The following EFEMP2 variants were observed in gnomAD, a reference collection of about 807,000 sequenced individuals.
The protein encoded by EFEMP2 is EGF-like fibulin extracellular matrix protein 2, also known as EGF-containing fibulin-like extracellular matrix protein 2.
A neutral mutation model predicts 55.3 loss-of-function variants in EFEMP2; 21 were observed. The ratio of observed to expected loss-of-function variants is 0.38; its 90% confidence interval spans 0.27 to 0.55. The LOEUF is 0.55. Ranked by LOEUF, EFEMP2 falls within the 20% of genes least tolerant of loss-of-function variation. The pLI is 0.77. For missense variants in EFEMP2, 513 were observed against 615.1 expected (o/e 0.83, Z 1.76); for synonymous variants, 275 against 242.3 (o/e 1.14, Z -1.25).
At chr11:65,869,574 C>T (rs922461737) in intron 7 of EFEMP2, 6 of 475,182 alleles carry the variant, frequency 1.3e-5, no homozygotes, top group African/African-American at 3.9e-5. Context: ...GTGCAAAATT[C>T]AAATGCAGGT....
intron 2 of EFEMP2, 39 bp from the exon 3 acceptor site, chr11:65,872,057 A>T (rs1317048726): frequency 6.4e-7 from 1 of 1,551,012 alleles, no homozygotes. Context: ...TCACCCTAAG[A>T]TCTCCTCCAA....
In EFEMP2 at chr11:65,866,974, A is replaced by G. The variant is rs193238913; in HGVS notation, c.1276T>C (p.Tyr426His). The G allele has an allele frequency of 3.1e-6, 5 of 1,614,120 alleles. No homozygotes were observed. The Admixed American group carries it at 8.3e-5, about 27-fold the overall frequency. The change falls in exon 11 of 11, where the codon TAC (tyrosine) becomes CAC (histidine). Residue 426 changes from tyrosine to histidine, a missense_variant. By Grantham distance (83) the Tyr-to-His change is moderately conservative (BLOSUM62 2). Transcript: ENST00000307998. ...EMVTMNSLMS[Y>H]RASSVLRLTV... ...AGCCTCAGTACAGAGCTGGCCCGGT[A>G]GCTCATGAGGGAATTCATGGTGACC...
intron 4 of EFEMP2, 196 bp from the exon 5 acceptor site, chr11:65,870,854 T>C: frequency 2.5e-6 from 2 of 785,716 alleles, no homozygotes; most frequent in East Asian, 2.7e-5. Flanking sequence ...TGTCCAAACA[T>C]CCCCAGCAAC....
At chr11:65,868,091 C>A (rs1859893005) in intron 9 of EFEMP2, 35 bp from the exon 10 acceptor site, 1 of 1,605,302 alleles carries the variant, frequency 6.2e-7, no homozygotes, top group South Asian at 1.1e-5. Context: ...CAAATGAGCT[C>A]CTTGCCCGTC....
At position 65,870,610 on chromosome 11, in the gene EFEMP2, T is replaced by C. The variant is rs775820586; in HGVS notation, c.416A>G (p.Asp139Gly). 6.2e-7 allele frequency: 1 copy of C among 1,614,088 alleles called. No homozygotes were observed. The highest frequency in any genetic ancestry group is 2.2e-5 in the East Asian group (1 of 44,876). The change falls in exon 5 of 11, where the codon GAC becomes GGC. Residue 139 changes from aspartate (D) to glycine (G), a missense_variant. By Grantham distance (94) the Asp-to-Gly change is moderately conservative. Coordinates refer to ENST00000307998, the MANE Select transcript of EFEMP2 (RefSeq NM_016938.5). Reference sequence around the variant, plus strand: ...ATAGGAGCCAGGCAAGTTATGGCAGTCCTGGCTGGGGCGACAGTCGTGCAG... The same window carrying C: ...ATAGGAGCCAGGCAAGTTATGGCAGCCCTGGCTGGGGCGACAGTCGTGCAG... Reference protein sequence around the residue: ...QALHDCRPSQDCHNLPGSYQC... With the variant: ...QALHDCRPSQGCHNLPGSYQC...
intron 4 of EFEMP2, 125 bp from the exon 5 acceptor site, chr11:65,870,783 C>G (rs1859952335): frequency 1.4e-6 from 2 of 1,433,216 alleles, no homozygotes; most frequent in Non-Finnish European, 1.9e-6. Flanking sequence ...CTGGAGCCAT[C>G]AGGAAAGGCA....
rs952321232 is a variant in EFEMP2, at chr11:65,868,011, A to G, written c.1020T>C (p.Pro340=). The change falls in exon 10 of 11, where the codon CCT becomes CCC. Residue 340 remains proline (P), a synonymous_variant. Coordinates refer to ENST00000307998, the MANE Select transcript of EFEMP2 (RefSeq NM_016938.5). ...PASNPLCREQ[P]SSIVHRYMTI... Reference sequence around the variant, plus strand: ...TCATGTAGCGGTGCACAATGGATGAAGGCTGCTCTCGACATAGAGGGTTGG... The same window carrying G: ...TCATGTAGCGGTGCACAATGGATGAGGGCTGCTCTCGACATAGAGGGTTGG... The G allele has an allele frequency of 6.2e-7, 1 of 1,614,020 alleles. No individual in the cohort carries two copies. The highest frequency in any genetic ancestry group is 8.5e-7 in the Non-Finnish European group (1 of 1,180,008).
intron 7 of EFEMP2, 44 bp from the exon 8 acceptor site, chr11:65,868,673 T>TCACC (rs1442523217): frequency 6.2e-7 from 1 of 1,612,186 alleles, no homozygotes; most frequent in Non-Finnish European, 8.5e-7. Flanking sequence ...AGGGCATTCC[T>TCACC]CACCATTCAG....
chr11:65,868,744 G>A, intron 7 of EFEMP2, 115 bp from the exon 8 acceptor site: 1 of 1,450,848 alleles, frequency 6.9e-7, no homozygotes, highest in Non-Finnish European at 9.5e-7. Context: ...GGAAGACAGA[G>A]GGGGATGAGA....
Position 65,868,691 on chromosome 11 carries a change from A to G in EFEMP2, c.728-62T>C, listed in dbSNP as rs1211379322. On this transcript the variant is annotated intron_variant, in intron 7 of 10. Coordinates refer to ENST00000307998, the MANE Select transcript of EFEMP2 (RefSeq NM_016938.5). ...GCATTCCTCACCATTCAGTCCCACA[A>G]ACATTTCCCAAGAAGGCCCAGCCCC... 16 of 1,607,790 alleles carry G rather than the reference A, an allele frequency of 1.0e-5. No individual in the cohort carries two copies. In the East Asian group the frequency reaches 3.3e-4, roughly 34 times the overall value.
chr11:65,870,464 G>A, intron 5 of EFEMP2, 72 bp downstream of exon 5: 2 of 1,602,962 alleles, frequency 1.2e-6, no homozygotes, highest in Non-Finnish European at 1.7e-6. Context: ...CTTGAATGGG[G>A]GTCAGGTGCT....
chr11:65,871,298 C>G lies in EFEMP2; in HGVS notation c.226G>C (p.Gly76Arg). 6.2e-7 allele frequency: 1 copy of G among 1,614,130 alleles called. No individual in the cohort carries two copies. Among genetic ancestry groups the G allele is most frequent in the Non-Finnish European group, 8.5e-7 (1 of 1,180,014 alleles). Residue 76 changes from glycine (G) to arginine (R), a missense_variant, in exon 4 of 11, where the codon GGG (glycine) becomes CGG (arginine). Physicochemically the swap from Gly to Arg is moderately radical, Grantham distance 125. Coordinates refer to ENST00000307998, the MANE Select transcript of EFEMP2 (RefSeq NM_016938.5). ...GAGCGGGGCAGGCACAAGTAGCCCC[C>G]GTAGTGGTTGATGCACTTCATTTCC... The part of the protein sequence containing the change: ...KGEMKCINHY[G>R]GYLCLPRSAA...
chr11:65,868,108 A>G (rs1345224381), intron 9 of EFEMP2, 52 bp from the exon 10 acceptor site: 9 of 1,596,138 alleles, frequency 5.6e-6, no homozygotes, highest in African/African-American at 2.7e-5. Flanking sequence ...CGTCCCCCCA[A>G]TTTCTCCTAC....
chr11:65,868,130 A>G (rs1859894547), intron 9 of EFEMP2, 74 bp from the exon 10 acceptor site: 4 of 1,573,776 alleles, frequency 2.5e-6, no homozygotes, highest in Non-Finnish European at 3.5e-6. Context: ...CTACAAAGGG[A>G]GGGAATCCCA....
rs763872698 is a variant in EFEMP2 at position 65,866,748 on chromosome 11, G to T, written c.*170C>A. ...AGAGACCCCCATTTAGGTGAACTTG[G>T]CCTGCCCCCCCAAGTGCCACCCTGC... On this transcript the variant is annotated 3_prime_UTR_variant, in exon 11 of 11. Coordinates refer to ENST00000307998, the MANE Select transcript of EFEMP2 (RefSeq NM_016938.5). The T allele has an allele frequency of 3.5e-6, 3 of 863,534 alleles. No homozygotes were observed. The highest frequency in any genetic ancestry group is 2.8e-5 in the South Asian group (2 of 70,804). 53.5% of individuals were successfully genotyped at this position (863,534 alleles called of 1,614,324 possible).
At position 65,867,954 on chromosome 11, in the gene EFEMP2, G is replaced by A. The variant is rs758240045; in HGVS notation, c.1077C>T (p.Asp359=). 1.1e-5 allele frequency: 17 copies of A among 1,614,108 alleles called. No individual in the cohort carries two copies. Among genetic ancestry groups the A allele is most frequent in the Middle Eastern group, 1.6e-4 (1 of 6,062 alleles). The change falls in exon 10 of 11, where the codon GAC becomes GAT. Residue 359 remains aspartate, a synonymous_variant. Coordinates refer to ENST00000307998, the MANE Select transcript of EFEMP2 (RefSeq NM_016938.5). ...TITSERSVPA[D]VFQIQATSVY... ...CGGAGGTCGCCTGGATCTGGAACAC[G>A]TCAGCGGGCACGCTCCGCTCCGAGG...
intron 4 of EFEMP2, chr11:65,870,911 G>A (rs866873190): frequency 1.4e-6 from 1 of 703,672 alleles, no homozygotes. Flanking sequence ...GCTCCCAGGG[G>A]ACAGACACTG....
Position 65,868,297 on chromosome 11 carries a change from C to A in EFEMP2, c.972G>T (p.Glu324Asp), listed in dbSNP as rs1003856168. Residue 324 changes from glutamate to aspartate, a missense_variant and splice_region_variant, in exon 9 of 11, where the codon GAG becomes GAT. By Grantham distance (45) the Glu-to-Asp change is conservative (BLOSUM62 2). Coordinates refer to ENST00000307998, the MANE Select transcript of EFEMP2 (RefSeq NM_016938.5). ...RCVEPYIQVS[E>D]NRCLCPASNP... ...GGCCTGGCATCGAATTGACTCACTT[C>A]TCAGAGACCTGGATGTAGGGCTCCA... 6.2e-7 allele frequency: 1 copy of A among 1,613,600 alleles called. No homozygotes were observed. The highest frequency in any genetic ancestry group is 1.7e-5 in the Admixed American group (1 of 59,996).
chr11:65,867,891 A>T lies in EFEMP2; in HGVS notation c.1140T>A (p.Ala380=), dbSNP rs1256362720. ...TGTAAAAGTCCCCCTGCGAGTTTCC[A>T]GCACGGATCTGAAAGGCATTGTAGG... is the stretch of plus-strand genomic sequence containing the variant. ...PGAYNAFQIR[A]GNSQGDFYIR... The change falls in exon 10 of 11, where the codon GCT becomes GCA. Residue 380 remains alanine (A), a synonymous_variant. Coordinates refer to ENST00000307998, the MANE Select transcript of EFEMP2 (RefSeq NM_016938.5). 1 of 1,614,026 alleles carries T rather than the reference A, an allele frequency of 6.2e-7. No homozygotes were observed. Among genetic ancestry groups the T allele is most frequent in the Non-Finnish European group, 8.5e-7 (1 of 1,180,044 alleles).
Sources: gnomAD v4.1 joint callset for allele counts on GRCh38, gnomAD v4.1.1 for gene constraint, MANE v1.5 for transcripts, NCBI Gene and HGNC (gene_info 2026-07-23, HGNC 2026-07-21) for gene names.